ADAMTS9: variants seen among roughly 807,000 people sequenced by gnomAD.
The protein encoded by ADAMTS9 is A disintegrin and metalloproteinase with thrombospondin motifs 9.
ADAMTS9 carries 107 observed loss-of-function variants against 257.1 expected under a neutral mutation model. The ratio of observed to expected loss-of-function variants is 0.42; its 90% CI spans 0.36 to 0.49. ADAMTS9 has a LOEUF of 0.49. Among genes scored for constraint, ADAMTS9 ranks in the 20% least tolerant of loss-of-function variants. ADAMTS9 has a pLI of 0.03. For synonymous variants in ADAMTS9, 982 were observed against 880.9 expected (o/e 1.11, Z -2.03); for missense variants, 2,353 against 2,469.1 (o/e 0.95, Z 1.00).
intron 32 of ADAMTS9, among the ~76,000 whole-genome samples, chr3:64,543,925 G>A (rs55877616): frequency 0.63 from 95,379 of 152,096 alleles, 35,198 homozygotes; most frequent in Non-Finnish European, 0.85. Flanking sequence ...CAAAGTCTCC[G>A]GATACAAATA....
In ADAMTS9 at chr3:64,654,344, G is replaced by T; in HGVS notation, c.1316+9C>A. 6.2e-7 allele frequency: 1 copy of T among 1,607,294 alleles called. No homozygotes were observed. The highest frequency in any genetic ancestry group is 8.5e-7 in the Non-Finnish European group (1 of 1,177,200). ...CCAAATTAAATGAAATTACTGAAAGGTAACTCACACATGGCCCAGCTCATG... is the reference window on the plus strand; with the variant it reads ...CCAAATTAAATGAAATTACTGAAAGTTAACTCACACATGGCCCAGCTCATG... On this transcript the variant is annotated intron_variant, in intron 8 of 39. Coordinates refer to ENST00000498707, the MANE Select transcript of ADAMTS9 (RefSeq NM_182920.2).
chr3:64,591,567 C>T (rs566812862), intron 28 of ADAMTS9, among the ~76,000 whole-genome samples: 4 of 152,114 alleles, frequency 2.6e-5, no homozygotes, highest in Admixed American at 6.6e-5. Context: ...TTCTTAAATC[C>T]GCAATGACTT....
chr3:64,627,053 A>T (rs1232640765), intron 16 of ADAMTS9, among the ~76,000 whole-genome samples: 2 of 152,222 alleles, frequency 1.3e-5, no homozygotes, highest in Admixed American at 6.5e-5. Flanking sequence ...CAGTTCTTTC[A>T]AATGAAGTTG....
At position 64,631,650 on chromosome 3, in the gene ADAMTS9, CAT is replaced by C; in HGVS notation, c.2294-102_2294-101del. On this transcript the variant is annotated intron_variant, in intron 15 of 39. Transcript: ENST00000498707. Reference sequence around the variant, plus strand: ...CAACAAAGGAATAGAATATAATTCTCATATAATTCTATTAGGTGCCTTCTAGT... The same window carrying C: ...CAACAAAGGAATAGAATATAATTCTCATAATTCTATTAGGTGCCTTCTAGT... 14 of 1,230,722 alleles carry C rather than the reference CAT, an allele frequency of 1.1e-5. No individual in the cohort carries two copies. In the South Asian group the frequency reaches 1.7e-4, roughly 15 times the overall value. 76.2% of individuals were successfully genotyped at this position (1,230,722 alleles called of 1,614,324 possible). A position where few individuals can be genotyped will look rare whatever the true frequency, so the allele number is the denominator to read the frequency against.
chr3:64,684,517 T>A (rs562883576), intron 2 of ADAMTS9, among the ~76,000 whole-genome samples: 1 of 151,956 alleles, frequency 6.6e-6, no homozygotes, highest in Non-Finnish European at 1.5e-5. Flanking sequence ...TAAGGGGAAG[T>A]CTTGGGAGGA....
rs371417985 is a variant in ADAMTS9 at position 64,623,328 on chromosome 3, T to G, written c.2390-742A>C. Among the ~76,000 whole-genome samples, 9 of 152,266 alleles carry G rather than the reference T, an allele frequency of 5.9e-5. No individual in the cohort carries two copies. In the East Asian group the frequency reaches 9.7e-4, roughly 16 times the overall value. On this transcript the variant is annotated intron_variant, in intron 16 of 39. Coordinates refer to ENST00000498707, the MANE Select transcript of ADAMTS9 (RefSeq NM_182920.2). ...TGGTTCTGGAAGAAGCCAGCTGCCA[T>G]GTTGTGAGGATACTAAAGAACCCAC...
At chr3:64,545,832 A>C (rs983639285) in intron 32 of ADAMTS9, among the ~76,000 whole-genome samples, 1 of 152,168 alleles carries the variant, frequency 6.6e-6, no homozygotes, top group African/African-American at 2.4e-5. Flanking sequence ...TGCTGACCTC[A>C]TGGTCCGCCG....
At chr3:64,630,273 G>C (rs773770644) in intron 16 of ADAMTS9, among the ~76,000 whole-genome samples, 2 of 152,152 alleles carry the variant, frequency 1.3e-5, no homozygotes, top group African/African-American at 2.4e-5. Flanking sequence ...ACAAATTACA[G>C]TGAGACTGGG....
chr3:64,558,375 G>T (rs1341392105), intron 30 of ADAMTS9, among the ~76,000 whole-genome samples: 2 of 152,198 alleles, frequency 1.3e-5, no homozygotes, highest in Non-Finnish European at 2.9e-5. Flanking sequence ...AGGGCTAAAT[G>T]AAGCACTTCA....
intron 2 of ADAMTS9, among the ~76,000 whole-genome samples, chr3:64,683,237 C>T (rs1001458255): frequency 9.9e-5 from 15 of 152,254 alleles, no homozygotes; most frequent in Middle Eastern, 3.4e-3. Context: ...TGACGATTTG[C>T]CACCTTTGAT....
intron 31 of ADAMTS9, 69 bp from the exon 32 acceptor site, chr3:64,547,021 C>A: frequency 7.3e-7 from 1 of 1,369,846 alleles, no homozygotes; most frequent in Non-Finnish European, 1.0e-6. Context: ...AGGCCCCTGA[C>A]CTCCACACCA....
At chr3:64,621,363 T>C (rs1325810359) in intron 18 of ADAMTS9, 123 bp from the exon 19 acceptor site, 11 of 1,173,208 alleles carry the variant, frequency 9.4e-6, no homozygotes, top group African/African-American at 1.5e-5. Flanking sequence ...GAGCGTATGA[T>C]CTCTGTTGCA....
Position 64,533,285 on chromosome 3 carries a change from C to T in ADAMTS9, c.5614-15G>A. ...CTAAAACGACCCTGGAAAACACGACCAACAAAAGAGATTTTCAGTCCATGT... is the reference window on the plus strand; with the variant it reads ...CTAAAACGACCCTGGAAAACACGACTAACAAAAGAGATTTTCAGTCCATGT... On this transcript the variant is annotated splice_polypyrimidine_tract_variant and intron_variant, in intron 37 of 39. Transcript: ENST00000498707. 6.2e-7 allele frequency: 1 copy of T among 1,605,828 alleles called. No individual in the cohort carries two copies. The highest frequency in any genetic ancestry group is 8.5e-7 in the Non-Finnish European group (1 of 1,172,618).
chr3:64,649,879 G>A (rs1260969313), intron 9 of ADAMTS9, 101 bp from the exon 10 acceptor site: 6 of 1,358,376 alleles, frequency 4.4e-6, no homozygotes, highest in African/African-American at 1.5e-5. Context: ...ATGGTAGAGA[G>A]GACAGTTACT....
At chr3:64,561,787 TCA>T (rs1295179490) in intron 29 of ADAMTS9, 36 bp from the exon 30 acceptor site, 3 of 1,011,312 alleles carry the variant, frequency 3.0e-6, no homozygotes, top group Non-Finnish European at 2.8e-6. Context: ...GAGCTTCGGC[TCA>T]TTTATTTTTT....
At chr3:64,574,647 T>G (rs550637267) in intron 28 of ADAMTS9, among the ~76,000 whole-genome samples, 1 of 151,860 alleles carries the variant, frequency 6.6e-6, no homozygotes, top group East Asian at 1.9e-4. Flanking sequence ...TTAGGAGCAT[T>G]GATTGAGCCT....
intron 3 of ADAMTS9, among the ~76,000 whole-genome samples, chr3:64,664,750 T>C (rs956103882): frequency 2.0e-5 from 3 of 152,208 alleles, no homozygotes; most frequent in African/African-American, 7.2e-5. Context: ...TGCAAGGTTT[T>C]GGGTGAATAT....
intron 30 of ADAMTS9, among the ~76,000 whole-genome samples, chr3:64,552,159 T>G (rs1374413855): frequency 6.6e-6 from 1 of 152,214 alleles, no homozygotes; most frequent in African/African-American, 2.4e-5. Context: ...TTTGAGAGCC[T>G]AAGTTACTTG....
At chr3:64,625,487 A>G (rs529359448) in intron 16 of ADAMTS9, among the ~76,000 whole-genome samples, 1 of 152,352 alleles carries the variant, frequency 6.6e-6, no homozygotes, top group African/African-American at 2.4e-5. Context: ...GTGGTTCAGC[A>G]GCAGCAGGAT....
Sources: allele counts gnomAD v4.1 joint callset (sites outside exome capture counted in the v4.1 genomes callset), GRCh38; gene constraint gnomAD v4.1.1; transcripts MANE v1.5; gene names NCBI Gene and HGNC (gene_info 2026-07-23, HGNC 2026-07-21).